Variants in NDUFAF2 observed in about 807,000 individuals in gnomAD.
The protein encoded by NDUFAF2 is NADH:ubiquinone oxidoreductase complex assembly factor 2.
Under a neutral mutation model 22.8 loss-of-function variants are expected in NDUFAF2, and 13 were observed. That is an observed-to-expected ratio of 0.57 (90% CI 0.37 to 0.91). NDUFAF2 has a LOEUF of 0.91. NDUFAF2 is among the 40% of genes least tolerant of loss of function. The probability of loss-of-function intolerance (pLI) is 0.01; values close to 1 mark genes in which losing one functional copy is unlikely to be tolerated. For synonymous variants in NDUFAF2, 53 were observed against 64.2 expected, an observed-to-expected ratio of 0.83 and a Z score of 0.84; for missense variants, 162 against 195.2, an observed-to-expected ratio of 0.83 and a Z score of 1.01.
Position 61,056,846 on chromosome 5 carries a change from G to A in NDUFAF2, c.128-16279G>A, listed in dbSNP as rs1224321128. On this transcript the variant is annotated intron_variant, in intron 1 of 3. Coordinates refer to ENST00000296597, the MANE Select transcript of NDUFAF2 (RefSeq NM_174889.5). Reference sequence around the variant, plus strand: ...CGAGGTTGCGGTGAGCTGAGATCACGCCATTGCACTCCAGCCTGGGCAACA... The same window carrying A: ...CGAGGTTGCGGTGAGCTGAGATCACACCATTGCACTCCAGCCTGGGCAACA... Among the ~76,000 whole-genome samples the A allele has an allele frequency of 5.7e-5, 7 of 122,522 alleles. No individual in the cohort carries two copies. In the East Asian group the frequency reaches 7.5e-4, roughly 13 times the overall value. The allele number at this position is 122,522 out of a possible 152,430, so 80.4% of individuals were successfully genotyped here. A position where few individuals can be genotyped will look rare whatever the true frequency, so the allele number is the denominator to read the frequency against.
chr5:61,148,037 T>C (rs1190728664), intron 3 of NDUFAF2, among the ~76,000 whole-genome samples: 2 of 152,212 alleles, frequency 1.3e-5, no homozygotes, highest in African/African-American at 2.4e-5. Context: ...AGCTTAATAT[T>C]CAGCTGAACA....
Position 61,008,207 on chromosome 5 carries a change from A to G in NDUFAF2, c.127+62825A>G, listed in dbSNP as rs561422177. On this transcript the variant is annotated intron_variant, in intron 1 of 3. Transcript: ENST00000296597. ...TAGGAGATATACCTAATGCTAATTGACGAGTTAATGGGTGCAGCGCACCAG... is the reference window on the plus strand; with the variant it reads ...TAGGAGATATACCTAATGCTAATTGGCGAGTTAATGGGTGCAGCGCACCAG... 3.0e-3 allele frequency among the ~76,000 whole-genome samples: 456 copies of G among 151,346 alleles called. 3 individuals carry two copies. Among genetic ancestry groups the G allele is most frequent in the South Asian group, 0.014 (67 of 4,762 alleles).
rs144701851 is a variant in NDUFAF2 at position 60,971,883 on chromosome 5, C to T, written c.127+26501C>T. 1.3e-4 allele frequency among the ~76,000 whole-genome samples: 20 copies of T among 151,394 alleles called. No homozygotes were observed. The East Asian group carries it at 3.9e-3, about 30-fold the overall frequency. ...ATCATTGATGGACATTTGGCACAACCTCTATTTCTTAATATTTGGCTGATA... is the reference window on the plus strand; with the variant it reads ...ATCATTGATGGACATTTGGCACAACTTCTATTTCTTAATATTTGGCTGATA... On this transcript the variant is annotated intron_variant, in intron 1 of 3. Transcript: ENST00000296597.
intron 3 of NDUFAF2, among the ~76,000 whole-genome samples, chr5:61,111,577 C>A (rs978253762): frequency 6.6e-6 from 1 of 152,036 alleles, no homozygotes; most frequent in East Asian, 1.9e-4. Flanking sequence ...GCTGGGACCA[C>A]AGGTGCTCGC....
chr5:61,066,048 A>G (rs1189261074), intron 1 of NDUFAF2, among the ~76,000 whole-genome samples: 1 of 152,112 alleles, frequency 6.6e-6, no homozygotes, highest in African/African-American at 2.4e-5. Flanking sequence ...AGATACAAAA[A>G]TTAGCATTTT....
At chr5:60,972,160 T>C (rs1192777966) in intron 1 of NDUFAF2, among the ~76,000 whole-genome samples, 2 of 151,528 alleles carry the variant, frequency 1.3e-5, no homozygotes, top group African/African-American at 4.9e-5. Context: ...TCAGGCTGGT[T>C]TCAAACTCCT....
At chr5:61,078,725 A>G (rs935106880) in intron 2 of NDUFAF2, among the ~76,000 whole-genome samples, 2 of 151,992 alleles carry the variant, frequency 1.3e-5, no homozygotes, top group Non-Finnish European at 2.9e-5. Flanking sequence ...TGGGTGACAG[A>G]GTGAGACCCC....
intron 2 of NDUFAF2, among the ~76,000 whole-genome samples, chr5:61,079,469 T>C (rs563843424): frequency 2.0e-5 from 3 of 152,182 alleles, no homozygotes; most frequent in African/African-American, 7.2e-5. Context: ...TTCATAACCC[T>C]TTAAGCCTCC....
At chr5:61,061,757 TGCCTTG>T (rs1752168268) in intron 1 of NDUFAF2, among the ~76,000 whole-genome samples, 1 of 152,204 alleles carries the variant, frequency 6.6e-6, no homozygotes, top group South Asian at 2.1e-4. Flanking sequence ...ATCCCAGTGC[TGCCTTG>T]GCAGCCTGTG....
At chr5:61,116,490 T>C (rs1021250848) in intron 3 of NDUFAF2, 21 of 152,170 alleles carry the variant, frequency 1.4e-4, no homozygotes, top group Admixed American at 1.3e-3. Context: ...GGTTAGAACC[T>C]TCTATTCAAT....
chr5:60,989,978 G>T (rs112933561), intron 1 of NDUFAF2, among the ~76,000 whole-genome samples: 4 of 152,074 alleles, frequency 2.6e-5, no homozygotes, highest in African/African-American at 9.7e-5. Flanking sequence ...CCATAAAAAA[G>T]AATGAGATCC....
intron 1 of NDUFAF2, among the ~76,000 whole-genome samples, chr5:60,959,658 C>T (rs558216752): frequency 6.6e-6 from 1 of 152,014 alleles, no homozygotes; most frequent in South Asian, 2.1e-4. Flanking sequence ...TAAAACATGC[C>T]TTCGGTTTAG....
intron 1 of NDUFAF2, among the ~76,000 whole-genome samples, chr5:60,962,077 A>G (rs1750694247): frequency 6.6e-6 from 1 of 152,048 alleles, no homozygotes; most frequent in South Asian, 2.1e-4. Context: ...GTATGCTTGA[A>G]CACCATAAAT....
At chr5:60,958,284 T>C (rs1750642766) in intron 1 of NDUFAF2, among the ~76,000 whole-genome samples, 1 of 152,202 alleles carries the variant, frequency 6.6e-6, no homozygotes, top group Non-Finnish European at 1.5e-5. Flanking sequence ...TAGCTGTATC[T>C]CCTCTCATAT....
intron 2 of NDUFAF2, among the ~76,000 whole-genome samples, chr5:61,093,487 A>G (rs1165672149): frequency 6.6e-6 from 1 of 152,190 alleles, no homozygotes; most frequent in Non-Finnish European, 1.5e-5. Flanking sequence ...ATTTTAATTG[A>G]CAGCCTTTTC....
At chr5:61,108,459 G>A (rs1158860221) in intron 3 of NDUFAF2, among the ~76,000 whole-genome samples, 1 of 151,382 alleles carries the variant, frequency 6.6e-6, no homozygotes, top group African/African-American at 2.5e-5. Flanking sequence ...CAGTGATGGT[G>A]AGCATTTTTT....
At chr5:61,149,671 A>G (rs1319120431) in intron 3 of NDUFAF2, among the ~76,000 whole-genome samples, 1 of 152,184 alleles carries the variant, frequency 6.6e-6, no homozygotes, top group East Asian at 1.9e-4. Flanking sequence ...AAATACAAAC[A>G]TTTATGTGAA....
intron 1 of NDUFAF2, among the ~76,000 whole-genome samples, chr5:61,034,910 A>ATGTGTGTG (rs200108799): frequency 2.2e-5 from 2 of 89,408 alleles, no homozygotes; most frequent in Non-Finnish European, 4.6e-5. Flanking sequence ...AGGCAAATAT[A>ATGTGTGTG]TATGTGTGTG....
chr5:61,123,385 C>G (rs148124959), intron 3 of NDUFAF2, among the ~76,000 whole-genome samples: 2 of 151,984 alleles, frequency 1.3e-5, no homozygotes, highest in African/African-American at 4.8e-5. Context: ...ATAGTATAGC[C>G]CATTACTCCT....
Sources: allele counts gnomAD v4.1 joint callset (sites outside exome capture counted in the v4.1 genomes callset), GRCh38; gene constraint gnomAD v4.1.1; transcripts MANE v1.5; gene names NCBI Gene and HGNC (gene_info 2026-07-23, HGNC 2026-07-21).